PCBD2: variants seen among roughly 807,000 people sequenced by gnomAD.
PCBD2 encodes pterin-4 alpha-carbinolamine dehydratase 2.
Under a neutral mutation model 16.4 loss-of-function variants are expected in PCBD2, and 12 were observed. That is an observed-to-expected ratio of 0.73 (90% CI 0.47 to 1.19). The LOEUF (loss-of-function observed/expected upper bound fraction) is 1.19, where lower values mean the gene tolerates loss of function less well. Among genes scored for constraint, PCBD2 ranks in the 50% most tolerant of loss-of-function variants. The pLI is 0.00. For synonymous variants in PCBD2, 58 were observed against 61.8 expected, an observed-to-expected ratio of 0.94 and a Z score of 0.29; for missense variants, 138 against 156.8, an observed-to-expected ratio of 0.88 and a Z score of 0.64.
rs75288982 is a variant in PCBD2 at position 134,924,075 on chromosome 5, T to C, written c.216+13609T>C. 7.6e-6 allele frequency: 3 copies of C among 397,172 alleles called. 1 individual carries two copies. The highest frequency in any genetic ancestry group is 3.6e-5 in the East Asian group (1 of 27,938). 24.6% of individuals were successfully genotyped at this position (397,172 alleles called of 1,614,324 possible). ...TAGTGTTCTTGTAGTTGAAATACAA[T>C]GATGGTTTTTCATATCATTGGTCGT... On this transcript the variant is annotated intron_variant, in intron 2 of 3. Transcript: ENST00000254908.
intron 2 of PCBD2, among the ~76,000 whole-genome samples, chr5:134,955,617 C>A (rs747023109): frequency 2.0e-5 from 3 of 152,116 alleles, no homozygotes; most frequent in Non-Finnish European, 4.4e-5. Context: ...CAACAATGAT[C>A]TTTATGTTAG....
chr5:134,947,913 A>G (rs914161170), intron 2 of PCBD2, among the ~76,000 whole-genome samples: 2 of 152,212 alleles, frequency 1.3e-5, no homozygotes, highest in African/African-American at 4.8e-5. Context: ...CTCTCACCTC[A>G]TAAGACTCTG....
chr5:134,906,254 A>C (rs1580874543), intron 1 of PCBD2, among the ~76,000 whole-genome samples: 1 of 113,864 alleles, frequency 8.8e-6, no homozygotes, highest in Admixed American at 1.3e-4. Flanking sequence ...CCCAGGCTGG[A>C]GTGCAGTGGC....
At chr5:134,924,908 A>G in intron 2 of PCBD2, 1 of 390,516 alleles carries the variant, frequency 2.6e-6, no homozygotes, top group Non-Finnish European at 4.5e-6. Context: ...TAAAATGTAT[A>G]CAGTGGGGAT....
intron 2 of PCBD2, among the ~76,000 whole-genome samples, chr5:134,944,530 A>G (rs1023115924): frequency 2.6e-5 from 4 of 151,640 alleles, no homozygotes; most frequent in Non-Finnish European, 5.9e-5. Flanking sequence ...CTTCAGTGAC[A>G]TTAAAAAAAA....
chr5:134,931,357 A>G (rs1751093646), intron 2 of PCBD2, among the ~76,000 whole-genome samples: 1 of 152,162 alleles, frequency 6.6e-6, no homozygotes, highest in Non-Finnish European at 1.5e-5. Context: ...ATATTGCATC[A>G]TTTACCTGAA....
At chr5:134,905,973 C>G (rs1204873135) in intron 1 of PCBD2, among the ~76,000 whole-genome samples, 2 of 151,854 alleles carry the variant, frequency 1.3e-5, no homozygotes, top group African/African-American at 4.8e-5. Context: ...CCTGGGTTCA[C>G]GCTATTCTCC....
At chr5:134,919,933 G>C (rs1204679562) in intron 2 of PCBD2, among the ~76,000 whole-genome samples, 2 of 152,188 alleles carry the variant, frequency 1.3e-5, no homozygotes, top group African/African-American at 4.8e-5. Flanking sequence ...AGATGTGTCA[G>C]AATACAAATA....
intron 2 of PCBD2, among the ~76,000 whole-genome samples, chr5:134,937,343 G>T (rs966211515): frequency 2.0e-5 from 3 of 151,924 alleles, no homozygotes; most frequent in African/African-American, 7.3e-5. Context: ...TAAAATACAT[G>T]CAACTTTTCC....
intron 2 of PCBD2, among the ~76,000 whole-genome samples, chr5:134,932,532 T>C (rs1360921665): frequency 6.6e-6 from 1 of 152,070 alleles, no homozygotes; most frequent in African/African-American, 2.4e-5. Context: ...AGTAGCAACA[T>C]GGATTCACCA....
chr5:134,933,621 C>T (rs144922480), intron 2 of PCBD2, among the ~76,000 whole-genome samples: 1,738 of 152,278 alleles, frequency 0.011, 22 homozygotes, highest in Non-Finnish European at 0.015. Flanking sequence ...TCCCTTTCTA[C>T]GGTAACCATC....
rs374356491 is a variant in PCBD2 at position 134,925,978 on chromosome 5, C to T, written c.216+15512C>T. The stretch of plus-strand genomic sequence containing the variant: ...AATAGCTGCTGTGTTGGCATCTGCT[C>T]GGGCGTATCATCAACTAATGAGTAA... On this transcript the variant is annotated intron_variant, in intron 2 of 3. Coordinates refer to ENST00000254908, the MANE Select transcript of PCBD2 (RefSeq NM_032151.5). 4.1e-3 allele frequency: 1,603 copies of T among 387,942 alleles called. 19 individuals are homozygous for T. Among genetic ancestry groups the T allele is most frequent in the East Asian group, 0.025 (702 of 27,664 alleles). 24.0% of individuals were successfully genotyped at this position (387,942 alleles called of 1,614,324 possible). A position where few individuals can be genotyped will look rare whatever the true frequency, so the allele number is the denominator to read the frequency against.
At chr5:134,947,954 T>G (rs1751317463) in intron 2 of PCBD2, among the ~76,000 whole-genome samples, 2 of 151,832 alleles carry the variant, frequency 1.3e-5, no homozygotes. Flanking sequence ...ATCAGCAGAT[T>G]AGGGAAGAAA....
intron 2 of PCBD2, among the ~76,000 whole-genome samples, chr5:134,943,096 T>G (rs2149537954): frequency 6.6e-6 from 1 of 152,256 alleles, no homozygotes; most frequent in East Asian, 1.9e-4. Flanking sequence ...AATCTAGAAA[T>G]GGAATTGCTG....
At chr5:134,910,219 G>A in intron 1 of PCBD2, 116 bp from the exon 2 acceptor site, 2 of 1,100,542 alleles carry the variant, frequency 1.8e-6, no homozygotes, top group Non-Finnish European at 2.6e-6. Context: ...AATGAAAGAT[G>A]GTTAGAATTT....
chr5:134,957,134 G>A (rs1372266682), intron 2 of PCBD2, among the ~76,000 whole-genome samples: 1 of 152,136 alleles, frequency 6.6e-6, no homozygotes, highest in Non-Finnish European at 1.5e-5. Context: ...GTGGTGGCAG[G>A]TGCCTGTAAT....
intron 2 of PCBD2, among the ~76,000 whole-genome samples, chr5:134,938,652 G>C (rs1046545407): frequency 1.3e-5 from 2 of 152,162 alleles, no homozygotes; most frequent in African/African-American, 4.8e-5. Context: ...AGAAGGGGGA[G>C]GGGATAGAGT....
chr5:134,937,986 A>T (rs1450713008), intron 2 of PCBD2, among the ~76,000 whole-genome samples: 1 of 152,090 alleles, frequency 6.6e-6, no homozygotes, highest in Non-Finnish European at 1.5e-5. Context: ...CTGTGTCTTG[A>T]AATTAGTCTG....
intron 2 of PCBD2, among the ~76,000 whole-genome samples, chr5:134,947,837 T>G (rs1751315235): frequency 6.6e-6 from 1 of 152,004 alleles, no homozygotes; most frequent in Non-Finnish European, 1.5e-5. Flanking sequence ...ACCAAGGAGC[T>G]TAAATACAAT....
Sources: gnomAD v4.1 joint callset for allele counts (sites outside exome capture counted in the v4.1 genomes callset) on GRCh38, gnomAD v4.1.1 for gene constraint, MANE v1.5 for transcripts, NCBI Gene and HGNC (gene_info 2026-07-23, HGNC 2026-07-21) for gene names.